The following LRP1B variants were observed in gnomAD, a reference collection of about 807,000 sequenced individuals.
The protein encoded by LRP1B is LDL receptor related protein 1B.
A neutral mutation model predicts 556.6 loss-of-function variants in LRP1B; 217 were observed. That is an observed-to-expected ratio of 0.39 (90% CI 0.35 to 0.44). The LOEUF (loss-of-function observed/expected upper bound fraction) is 0.44. Ranked by LOEUF, LRP1B falls within the 20% of genes least tolerant of loss-of-function variation. The pLI is 1.00. For synonymous variants in LRP1B, 2,047 were observed against 1,865.8 expected (o/e 1.10, Z -2.50); for missense variants, 5,053 against 5,620.8 (o/e 0.90, Z 3.23).
chr2:141,779,697 T>C (rs1308428727), intron 2 of LRP1B, among the ~76,000 whole-genome samples: 1 of 152,128 alleles, frequency 6.6e-6, no homozygotes, highest in African/African-American at 2.4e-5. Flanking sequence ...TATTTTGTCC[T>C]AGAAACAACC....
intron 2 of LRP1B, among the ~76,000 whole-genome samples, chr2:141,719,831 G>A (rs1692751755): frequency 6.6e-6 from 1 of 152,036 alleles, no homozygotes; most frequent in East Asian, 1.9e-4. Flanking sequence ...TATGCAAAGA[G>A]GGTAACCATA....
chr2:140,239,771 G>T (rs1267870084), intron 87 of LRP1B, among the ~76,000 whole-genome samples: 2 of 150,828 alleles, frequency 1.3e-5, no homozygotes, highest in African/African-American at 4.9e-5. Context: ...TAAATACCTT[G>T]AGATTAGAGA....
chr2:141,628,110 A>G (rs1688767886), intron 2 of LRP1B, among the ~76,000 whole-genome samples: 2 of 152,202 alleles, frequency 1.3e-5, no homozygotes, highest in South Asian at 4.1e-4. Flanking sequence ...GGACCCTGGG[A>G]CCCTGTGATT....
At chr2:141,080,000 C>T (rs982365658) in intron 7 of LRP1B, among the ~76,000 whole-genome samples, 2 of 152,208 alleles carry the variant, frequency 1.3e-5, no homozygotes, top group African/African-American at 2.4e-5. Context: ...TCCACGAATA[C>T]GTGTCTAGTG....
At chr2:140,723,116 G>C (rs1687473394) in intron 35 of LRP1B, among the ~76,000 whole-genome samples, 1 of 152,156 alleles carries the variant, frequency 6.6e-6, no homozygotes, top group South Asian at 2.1e-4. Context: ...TCAATGCTAA[G>C]AGTGTTTGAG....
chr2:141,197,652 A>G (rs1249444), intron 6 of LRP1B, among the ~76,000 whole-genome samples: 151,655 of 152,242 alleles, frequency 1, 75,539 homozygotes, highest in Non-Finnish European at 1. Flanking sequence ...GTTGCTGTAT[A>G]GATAAAGGGG....
intron 3 of LRP1B, among the ~76,000 whole-genome samples, chr2:141,385,002 C>A (rs1689776714): frequency 6.6e-6 from 1 of 152,156 alleles, no homozygotes; most frequent in South Asian, 2.1e-4. Context: ...GCCTTTTAAA[C>A]CCTTATCCTG....
At chr2:141,933,335 G>T (rs1356737703) in intron 1 of LRP1B, among the ~76,000 whole-genome samples, 1 of 152,026 alleles carries the variant, frequency 6.6e-6, no homozygotes, top group East Asian at 1.9e-4. Flanking sequence ...AATACTCTGA[G>T]GTCACAGACT....
chr2:141,686,169 C>T (rs909849534), intron 2 of LRP1B, among the ~76,000 whole-genome samples: 4 of 151,958 alleles, frequency 2.6e-5, no homozygotes, highest in East Asian at 1.9e-4. Context: ...CAATGCTCTA[C>T]ATCCAATTTT....
At position 141,467,494 on chromosome 2, in the gene LRP1B, C is replaced by A. The variant is rs1682277208; in HGVS notation, c.343+12902G>T. On this transcript the variant is annotated intron_variant, in intron 3 of 90. Transcript: ENST00000389484. The stretch of plus-strand genomic sequence containing the variant: ...TAACTAAAAATGGTTATTAGAATTT[C>A]TTTCCCTGAAGGCATAAGGTAGATG... Among the ~76,000 whole-genome samples the A allele has an allele frequency of 1.3e-5, 2 of 152,072 alleles. 1 individual carries two copies. The highest frequency in any genetic ancestry group is 2.9e-5 in the Non-Finnish European group (2 of 68,020).
chr2:142,130,311 G>A (rs1197785986), intron 1 of LRP1B, among the ~76,000 whole-genome samples: 1 of 152,212 alleles, frequency 6.6e-6, no homozygotes, highest in Non-Finnish European at 1.5e-5. Context: ...GCGGAGGGAA[G>A]TCTTTCGGAA....
chr2:140,435,679 AAAAG>A (rs1220290685), intron 66 of LRP1B, among the ~76,000 whole-genome samples: 1 of 152,068 alleles, frequency 6.6e-6, no homozygotes, highest in Non-Finnish European at 1.5e-5. Flanking sequence ...GAAAAAAAAA[AAAAG>A]AAAGAAACAT....
At chr2:140,647,544 C>T (rs761381932) in intron 41 of LRP1B, among the ~76,000 whole-genome samples, 3 of 152,154 alleles carry the variant, frequency 2.0e-5, no homozygotes, top group Non-Finnish European at 4.4e-5. Context: ...ACAGGGCTAT[C>T]CTGGGCACCT....
chr2:142,058,004 A>C (rs1704741887), intron 1 of LRP1B, among the ~76,000 whole-genome samples: 1 of 152,174 alleles, frequency 6.6e-6, no homozygotes, highest in Non-Finnish European at 1.5e-5. Flanking sequence ...GCTGAAGGAA[A>C]GGATGTTTGC....
Position 141,510,909 on chromosome 2 carries a change from C to CT in LRP1B, c.206-30377_206-30376insA, listed in dbSNP as rs70994436. Among the ~76,000 whole-genome samples, 7 of 139,026 alleles carry CT rather than the reference C, an allele frequency of 5.0e-5. No homozygotes were observed. The East Asian group carries it at 1.5e-3, about 29-fold the overall frequency. 91.2% of individuals were successfully genotyped at this position (139,026 alleles called of 152,430 possible). On this transcript the variant is annotated intron_variant, in intron 2 of 90. Transcript: ENST00000389484. ...ACACACACACACACACACACACACA[C>CT]CCCACACAAACATACACACAAGCTC... is the stretch of plus-strand genomic sequence containing the variant.
intron 41 of LRP1B, among the ~76,000 whole-genome samples, chr2:140,672,351 G>C (rs967151475): frequency 6.6e-6 from 1 of 151,966 alleles, no homozygotes; most frequent in African/African-American, 2.4e-5. Context: ...GGGCGTGGTG[G>C]TGTGCACCTG....
At chr2:141,065,574 A>C (rs1305777704) in intron 7 of LRP1B, among the ~76,000 whole-genome samples, 1 of 151,874 alleles carries the variant, frequency 6.6e-6, no homozygotes, top group Non-Finnish European at 1.5e-5. Context: ...AGAATGTTCC[A>C]ACTTGAGATC....
intron 1 of LRP1B, among the ~76,000 whole-genome samples, chr2:141,927,933 GA>G (rs796539501): frequency 4.1e-4 from 52 of 126,932 alleles, no homozygotes; most frequent in South Asian, 2.3e-3. Context: ...AAGAAAGAAA[GA>G]AAAAAAAAAA....
intron 7 of LRP1B, among the ~76,000 whole-genome samples, chr2:141,138,142 A>G (rs1194215634): frequency 1.3e-5 from 2 of 151,980 alleles, no homozygotes; most frequent in African/African-American, 4.8e-5. Flanking sequence ...TTGTATTAGA[A>G]TATCAATGTA....
Sources: allele counts gnomAD v4.1 joint callset (sites outside exome capture counted in the v4.1 genomes callset), GRCh38; gene constraint gnomAD v4.1.1; transcripts MANE v1.5; gene names NCBI Gene and HGNC (gene_info 2026-07-23, HGNC 2026-07-21).